Variants in STEAP1B observed in about 807,000 individuals in gnomAD.
The protein encoded by STEAP1B is STEAP family member 1B.
Under a neutral mutation model 27.9 loss-of-function variants are expected in STEAP1B, and 13 were observed. That is an observed-to-expected ratio of 0.47 (90% CI 0.30 to 0.74). STEAP1B has a LOEUF of 0.74. Ranked by LOEUF, STEAP1B falls within the 30% of genes least tolerant of loss-of-function variation. STEAP1B has a pLI of 0.06. For synonymous variants in STEAP1B, 86 were observed against 107.1 expected, an observed-to-expected ratio of 0.80 and a Z score of 1.22; for missense variants, 250 against 298.7, an observed-to-expected ratio of 0.84 and a Z score of 1.20.
At position 22,439,025 on chromosome 7, in the gene STEAP1B, T is replaced by A. The variant is rs1785292561; in HGVS notation, c.763-19189A>T. Among the ~76,000 whole-genome samples, 3 of 152,180 alleles carry A rather than the reference T, an allele frequency of 2.0e-5. No homozygotes were observed. In the South Asian group the frequency reaches 6.2e-4, roughly 32 times the overall value. On this transcript the variant is annotated intron_variant, in intron 4 of 4. Coordinates refer to ENST00000678116, the MANE Select transcript of STEAP1B (RefSeq NM_001382447.1). ...TAAGAAATCTGGCCAATATGTAACT[T>A]GTAAATGATAGTAAATGTTTGATGA... is the stretch of plus-strand genomic sequence containing the variant.
At chr7:22,440,545 T>G (rs1240166184) in intron 4 of STEAP1B, among the ~76,000 whole-genome samples, 1 of 152,128 alleles carries the variant, frequency 6.6e-6, no homozygotes, top group Admixed American at 6.5e-5. Context: ...TTGAGAATAC[T>G]CCCCATTTAG....
At chr7:22,443,926 C>G (rs1259697790) in intron 4 of STEAP1B, among the ~76,000 whole-genome samples, 1 of 152,220 alleles carries the variant, frequency 6.6e-6, no homozygotes, top group Non-Finnish European at 1.5e-5. Context: ...AAGGTGATGT[C>G]CAGCCCAAGA....
At chr7:22,461,549 C>T (rs370254473) in intron 4 of STEAP1B, among the ~76,000 whole-genome samples, 24 of 152,332 alleles carry the variant, frequency 1.6e-4, no homozygotes, top group Non-Finnish European at 2.9e-4. Flanking sequence ...AGGCGTGAGC[C>T]ACTGTGGCTG....
chr7:22,484,551 A>C (rs144190192), intron 4 of STEAP1B, among the ~76,000 whole-genome samples: 1 of 152,218 alleles, frequency 6.6e-6, no homozygotes, highest in Non-Finnish European at 1.5e-5. Context: ...ATGGAGATGC[A>C]AGGAGACGAA....
At chr7:22,485,648 AAC>A (rs2128415184) in intron 4 of STEAP1B, among the ~76,000 whole-genome samples, 1 of 152,316 alleles carries the variant, frequency 6.6e-6, no homozygotes, top group East Asian at 1.9e-4. Flanking sequence ...TGCACTGGGA[AAC>A]AAAAAAATCA....
At chr7:22,456,935 G>A (rs1785588368) in intron 4 of STEAP1B, among the ~76,000 whole-genome samples, 1 of 122,916 alleles carries the variant, frequency 8.1e-6, no homozygotes, top group Non-Finnish European at 1.7e-5. Context: ...GATTCAGAAT[G>A]GGGGTGGGAT....
intron 4 of STEAP1B, among the ~76,000 whole-genome samples, chr7:22,442,578 G>A (rs888754730): frequency 1.3e-5 from 2 of 152,246 alleles, no homozygotes; most frequent in Non-Finnish European, 2.9e-5. Flanking sequence ...TGGCTGAGCT[G>A]TCAGCAGAGG....
chr7:22,469,096 T>C (rs895982244), intron 4 of STEAP1B, among the ~76,000 whole-genome samples: 1 of 152,214 alleles, frequency 6.6e-6, no homozygotes, highest in Non-Finnish European at 1.5e-5. Context: ...GTGTGTGTTA[T>C]GATTCCTGAA....
chr7:22,465,673 G>A (rs73268541), intron 4 of STEAP1B, among the ~76,000 whole-genome samples: 3,045 of 152,230 alleles, frequency 0.02, 125 homozygotes, highest in African/African-American at 0.069. Context: ...CACCAGGTTC[G>A]ACAGGCCAAA....
At chr7:22,444,152 C>A (rs1283233080) in intron 4 of STEAP1B, among the ~76,000 whole-genome samples, 4 of 152,212 alleles carry the variant, frequency 2.6e-5, no homozygotes, top group Non-Finnish European at 5.9e-5. Flanking sequence ...AATCTGCCAT[C>A]CTCATCCTAG....
chr7:22,428,647 T>C (rs4722140), intron 4 of STEAP1B, among the ~76,000 whole-genome samples: 35,144 of 151,828 alleles, frequency 0.23, 5,270 homozygotes, highest in Non-Finnish European at 0.31. Flanking sequence ...GCAAATGAAA[T>C]CTACCAATAT....
At chr7:22,498,579 G>T (rs181379058) in intron 1 of STEAP1B, among the ~76,000 whole-genome samples, 1 of 152,180 alleles carries the variant, frequency 6.6e-6, no homozygotes, top group Non-Finnish European at 1.5e-5. Context: ...TAAGGCAGGA[G>T]GAATGCAAAG....
chr7:22,480,469 C>T (rs569770478), intron 4 of STEAP1B, among the ~76,000 whole-genome samples: 60 of 152,244 alleles, frequency 3.9e-4, no homozygotes, highest in African/African-American at 1.3e-3. Flanking sequence ...TGACAATGCC[C>T]GGCTGCCAAG....
In STEAP1B at chr7:22,492,585, T is replaced by C; in HGVS notation, c.742A>G (p.Arg248Gly). The change falls in exon 4 of 5, where the codon AGA becomes GGA. Residue 248 changes from arginine (R) to glycine (G), a missense_variant. Arg to Gly is a moderately radical substitution (Grantham distance 125). Transcript: ENST00000678116. ...IPSVSDSLTW[R>G]EFHYIQVHGR... ...TTTACCTGAATATAGTGAAATTCTC[T>C]CCATGTCAAAGAGTCACTCACAGAT... The C allele has an allele frequency of 6.2e-7, 1 of 1,601,080 alleles. No individual in the cohort carries two copies. Among genetic ancestry groups the C allele is most frequent in the Non-Finnish European group, 8.5e-7 (1 of 1,176,612 alleles).
intron 4 of STEAP1B, among the ~76,000 whole-genome samples, chr7:22,487,163 G>C (rs1314654671): frequency 6.6e-6 from 1 of 152,226 alleles, no homozygotes; most frequent in Non-Finnish European, 1.5e-5. Flanking sequence ...GCCAGGTGCA[G>C]TGGCTCATGC....
In STEAP1B at chr7:22,460,397, C is replaced by T. The variant is rs562936180; in HGVS notation, c.762+32168G>A. On this transcript the variant is annotated intron_variant, in intron 4 of 4. Transcript: ENST00000678116. Reference sequence around the variant, plus strand: ...ATGGTTCCTTGGGACTGAGGGAGAGCATTCAAGGAAGGACAAATTTGAAAG... The same window carrying T: ...ATGGTTCCTTGGGACTGAGGGAGAGTATTCAAGGAAGGACAAATTTGAAAG... Among the ~76,000 whole-genome samples the T allele has an allele frequency of 2.7e-5, 4 of 150,886 alleles. No homozygotes were observed. The South Asian group carries it at 8.4e-4, about 32-fold the overall frequency.
At chr7:22,423,642 GT>G (rs934490259) in intron 4 of STEAP1B, among the ~76,000 whole-genome samples, 31 of 152,120 alleles carry the variant, frequency 2.0e-4, no homozygotes, top group African/African-American at 6.0e-4. Context: ...TGAGCATGAG[GT>G]TTTTTTGGAA....
intron 1 of STEAP1B, among the ~76,000 whole-genome samples, chr7:22,499,216 C>T (rs1391698088): frequency 2.0e-5 from 3 of 152,196 alleles, no homozygotes; most frequent in African/African-American, 7.2e-5. Flanking sequence ...CCTGGTGTTC[C>T]TAAATGTTGG....
intron 4 of STEAP1B, among the ~76,000 whole-genome samples, chr7:22,490,731 T>C (rs972364396): frequency 6.6e-6 from 1 of 152,220 alleles, no homozygotes; most frequent in Non-Finnish European, 1.5e-5. Context: ...CCTGAGAGTG[T>C]TCCCGTTCTT....
Sources: allele counts gnomAD v4.1 joint callset (sites outside exome capture counted in the v4.1 genomes callset), GRCh38; gene constraint gnomAD v4.1.1; transcripts MANE v1.5; gene names NCBI Gene and HGNC (gene_info 2026-07-23, HGNC 2026-07-21).